TBCK: variants seen among roughly 807,000 people sequenced by gnomAD.
TBCK encodes the protein TBC1 domain containing kinase.
A neutral mutation model predicts 113.4 loss-of-function variants in TBCK; 99 were observed. The observed-to-expected ratio is 0.87, with a 90% CI of 0.74 to 1.03. The LOEUF is 1.03. Ranked by LOEUF, TBCK falls within the 50% of genes least tolerant of loss-of-function variation. The pLI is 0.00. For missense variants in TBCK, 1,045 were observed against 1,061.3 expected (o/e 0.98, Z 0.21); for synonymous variants, 369 against 370.8 (o/e 1.00, Z 0.05).
chr4:106,214,697 A>G (rs945640673), intron 19 of TBCK, among the ~76,000 whole-genome samples: 6 of 152,204 alleles, frequency 3.9e-5, no homozygotes, highest in Non-Finnish European at 7.4e-5. Context: ...CAAAGCCTCC[A>G]AGCAATATGG....
chr4:106,316,246 C>A (rs1768850954), upstream of TBCK: 1 of 302,154 alleles, frequency 3.3e-6, no homozygotes, highest in Admixed American at 4.8e-5. Context: ...TCCGCCCTCA[C>A]AGCCACCGCG....
At chr4:106,270,466 C>T (rs2150127716) in intron 3 of TBCK, among the ~76,000 whole-genome samples, 1 of 152,294 alleles carries the variant, frequency 6.6e-6, no homozygotes, top group East Asian at 1.9e-4. Flanking sequence ...ACCCTGGCAG[C>T]ATTTGGGATG....
chr4:106,047,289 C>A (rs753052454), intron 25 of TBCK, among the ~76,000 whole-genome samples: 1 of 152,154 alleles, frequency 6.6e-6, no homozygotes. Flanking sequence ...TATACACAGA[C>A]GACTTAGCTA....
At chr4:106,190,013 A>G (rs1279127408) in intron 22 of TBCK, among the ~76,000 whole-genome samples, 1 of 152,184 alleles carries the variant, frequency 6.6e-6, no homozygotes, top group African/African-American at 2.4e-5. Flanking sequence ...CTTAAGAAAA[A>G]CTGCCTAACT....
chr4:106,048,190 C>G (rs1471484023), intron 25 of TBCK, among the ~76,000 whole-genome samples: 1 of 151,996 alleles, frequency 6.6e-6, no homozygotes, highest in African/African-American at 2.4e-5. Flanking sequence ...TTGAATAATA[C>G]TGTCTTAAGT....
At chr4:106,163,838 A>C (rs1339572154) in intron 23 of TBCK, among the ~76,000 whole-genome samples, 1 of 152,080 alleles carries the variant, frequency 6.6e-6, no homozygotes, top group African/African-American at 2.4e-5. Context: ...AAACCATATC[A>C]ATCTCTGTCT....
At chr4:106,228,395 C>A (rs1381643607) in intron 19 of TBCK, among the ~76,000 whole-genome samples, 1 of 151,390 alleles carries the variant, frequency 6.6e-6, no homozygotes, top group South Asian at 2.1e-4. Context: ...CTACCCTCCA[C>A]TACCCTTCCC....
Position 106,233,206 on chromosome 4 carries a change from T to C in TBCK, c.1513-142A>G. The stretch of plus-strand genomic sequence containing the variant: ...ACCAACTTCTTAAGTGCCTAATTTT[T>C]TGAATTTTTTAATTGATCTTATGGA... On this transcript the variant is annotated intron_variant, in intron 16 of 25. Coordinates refer to ENST00000394708, the MANE Select transcript of TBCK (RefSeq NM_001163435.3). The C allele has an allele frequency of 3.8e-6, 3 of 786,296 alleles. No individual in the cohort carries two copies. The South Asian group carries it at 6.3e-5, about 16-fold the overall frequency. The allele number at this position is 786,296 out of a possible 1,614,324, so 48.7% of individuals were successfully genotyped here. A position where few individuals can be genotyped will look rare whatever the true frequency, so the allele number is the denominator to read the frequency against.
At chr4:106,124,399 G>A (rs552998221) in intron 23 of TBCK, among the ~76,000 whole-genome samples, 1 of 152,288 alleles carries the variant, frequency 6.6e-6, no homozygotes, top group Admixed American at 6.5e-5. Flanking sequence ...TTACACTGTT[G>A]GTGGAACTGT....
At chr4:106,243,950 T>C (rs955688896) in intron 11 of TBCK, among the ~76,000 whole-genome samples, 6 of 152,150 alleles carry the variant, frequency 3.9e-5, no homozygotes, top group African/African-American at 1.4e-4. Flanking sequence ...CCTCCCAAAG[T>C]GCTGGGATCA....
At chr4:106,256,937 G>GA (rs1009645127) in intron 5 of TBCK, among the ~76,000 whole-genome samples, 3 of 151,166 alleles carry the variant, frequency 2.0e-5, no homozygotes, top group South Asian at 2.1e-4. Context: ...ATCTCAATTA[G>GA]AAAAAAAAGA....
intron 3 of TBCK, among the ~76,000 whole-genome samples, chr4:106,280,940 G>A (rs1208050370): frequency 6.6e-6 from 1 of 152,020 alleles, no homozygotes; most frequent in Non-Finnish European, 1.5e-5. Flanking sequence ...TTTTAGGATT[G>A]TTTTTTCTAT....
At chr4:106,271,148 C>G (rs535360727) in intron 3 of TBCK, among the ~76,000 whole-genome samples, 1 of 152,204 alleles carries the variant, frequency 6.6e-6, no homozygotes, top group South Asian at 2.1e-4. Context: ...TTAGTTCTGT[C>G]TATTTCACCT....
chr4:106,109,869 T>C (rs534985257), intron 24 of TBCK, among the ~76,000 whole-genome samples: 5 of 152,240 alleles, frequency 3.3e-5, no homozygotes, highest in African/African-American at 1.2e-4. Flanking sequence ...TGGAAAAAAT[T>C]GTAGAAAGAC....
intron 23 of TBCK, among the ~76,000 whole-genome samples, chr4:106,146,719 T>C (rs1159576550): frequency 6.6e-6 from 1 of 152,186 alleles, no homozygotes; most frequent in Non-Finnish European, 1.5e-5. Flanking sequence ...AAAGTAATGG[T>C]TGCTGAAGGC....
At chr4:106,151,847 T>C (rs971431502) in intron 23 of TBCK, among the ~76,000 whole-genome samples, 1 of 152,016 alleles carries the variant, frequency 6.6e-6, no homozygotes, top group African/African-American at 2.4e-5. Flanking sequence ...TTTGTAGCTA[T>C]TGTAAGTGGG....
At chr4:106,118,594 T>C (rs1743854879) in intron 23 of TBCK, among the ~76,000 whole-genome samples, 1 of 152,212 alleles carries the variant, frequency 6.6e-6, no homozygotes, top group Non-Finnish European at 1.5e-5. Context: ...TTTTCCAGCC[T>C]TCACATGAAG....
At chr4:106,154,626 C>A (rs767689580) in intron 23 of TBCK, among the ~76,000 whole-genome samples, 2 of 152,086 alleles carry the variant, frequency 1.3e-5, no homozygotes, top group Admixed American at 6.6e-5. Flanking sequence ...GCATCTCCCC[C>A]CTCTCTTATT....
intron 23 of TBCK, among the ~76,000 whole-genome samples, chr4:106,127,467 T>C (rs1332334505): frequency 6.6e-6 from 1 of 152,120 alleles, no homozygotes; most frequent in East Asian, 1.9e-4. Context: ...TCTTTTTCTT[T>C]CTCATTTTTA....
Sources: allele counts gnomAD v4.1 joint callset (sites outside exome capture counted in the v4.1 genomes callset), GRCh38; gene constraint gnomAD v4.1.1; transcripts MANE v1.5; gene names NCBI Gene and HGNC (gene_info 2026-07-23, HGNC 2026-07-21).